The following DPP10 variants were observed in gnomAD, a reference collection of about 807,000 sequenced individuals.
DPP10 encodes the protein dipeptidyl peptidase like 10.
In DPP10, 33 loss-of-function variants were observed where a neutral mutation model predicts 120.9. The ratio of observed to expected loss-of-function variants is 0.27; its 90% CI spans 0.21 to 0.37. The LOEUF (loss-of-function observed/expected upper bound fraction) is 0.37. Among genes scored for constraint, DPP10 ranks in the 10% least tolerant of loss-of-function variants. The probability of loss-of-function intolerance (pLI) is 1.00; values close to 1 mark genes in which losing one functional copy is unlikely to be tolerated. For synonymous variants in DPP10, 337 were observed against 326.1 expected (o/e 1.03, Z -0.36); for missense variants, 816 against 942.8 (o/e 0.87, Z 1.76).
chr2:114,447,394 G>T (rs1195307230), intron 1 of DPP10, among the ~76,000 whole-genome samples: 2 of 151,720 alleles, frequency 1.3e-5, no homozygotes, highest in Non-Finnish European at 2.9e-5. Flanking sequence ...ATTCTTAAAG[G>T]GTATTTCATA....
At chr2:114,816,873 T>C (rs899653641) in intron 1 of DPP10, among the ~76,000 whole-genome samples, 1 of 152,156 alleles carries the variant, frequency 6.6e-6, no homozygotes, top group Non-Finnish European at 1.5e-5. Context: ...CTATGAGCCT[T>C]CCATATAATC....
intron 1 of DPP10, among the ~76,000 whole-genome samples, chr2:115,164,572 A>G (rs1247331206): frequency 1.3e-5 from 2 of 152,338 alleles, no homozygotes; most frequent in Admixed American, 1.3e-4. Context: ...AAGCTATTGC[A>G]TGTTTCCAAG....
chr2:114,852,023 T>C (rs1405633987), intron 1 of DPP10, among the ~76,000 whole-genome samples: 2 of 152,054 alleles, frequency 1.3e-5, no homozygotes, highest in African/African-American at 2.4e-5. Flanking sequence ...CCATGGTGTA[T>C]AGAGGGATTC....
intron 1 of DPP10, among the ~76,000 whole-genome samples, chr2:114,749,231 G>A (rs565228901): frequency 5.5e-4 from 82 of 149,858 alleles, no homozygotes; most frequent in African/African-American, 1.7e-3. Context: ...CATGTCCTTC[G>A]CCCACTTTTT....
intron 1 of DPP10, among the ~76,000 whole-genome samples, chr2:114,811,739 G>A (rs75267715): frequency 0.021 from 3,172 of 151,870 alleles, 130 homozygotes; most frequent in African/African-American, 0.073. Flanking sequence ...TCACCTTCAC[G>A]TTCTCTCTGC....
chr2:115,319,001 G>A (rs186873453), intron 2 of DPP10, among the ~76,000 whole-genome samples: 1 of 152,236 alleles, frequency 6.6e-6, no homozygotes, highest in East Asian at 1.9e-4. Context: ...ATCATAGGTG[G>A]AAAGCTTTCA....
At chr2:115,811,726 G>T (rs916332264) in intron 19 of DPP10, among the ~76,000 whole-genome samples, 10 of 152,152 alleles carry the variant, frequency 6.6e-5, no homozygotes, top group Non-Finnish European at 1.2e-4. Context: ...CACTCCAAGG[G>T]TCTGTTGATT....
At chr2:114,882,550 A>G (rs1691732266) in intron 1 of DPP10, among the ~76,000 whole-genome samples, 1 of 152,062 alleles carries the variant, frequency 6.6e-6, no homozygotes, top group Non-Finnish European at 1.5e-5. Context: ...TGAGGGCTAA[A>G]TGACTAAATA....
intron 3 of DPP10, among the ~76,000 whole-genome samples, chr2:115,446,814 C>A (rs1337011280): frequency 6.6e-6 from 1 of 152,152 alleles, no homozygotes; most frequent in Non-Finnish European, 1.5e-5. Flanking sequence ...AACACACCTT[C>A]CCCCTTCCTT....
chr2:115,007,718 C>T (rs544694686), intron 1 of DPP10, among the ~76,000 whole-genome samples: 13 of 151,622 alleles, frequency 8.6e-5, no homozygotes, highest in Admixed American at 4.0e-4. Context: ...TGATAAGCAA[C>T]TTCAGCAAAG....
At chr2:115,182,540 C>T (rs192856391) in intron 1 of DPP10, among the ~76,000 whole-genome samples, 1 of 152,294 alleles carries the variant, frequency 6.6e-6, no homozygotes, top group African/African-American at 2.4e-5. Context: ...ATTATTCCAG[C>T]CCCTCTTTGG....
At chr2:115,616,077 G>A (rs981980939) in intron 5 of DPP10, among the ~76,000 whole-genome samples, 2 of 151,972 alleles carry the variant, frequency 1.3e-5, no homozygotes, top group African/African-American at 4.8e-5. Flanking sequence ...TTTAAACTGT[G>A]GAAGTTAACT....
intron 1 of DPP10, among the ~76,000 whole-genome samples, chr2:115,195,611 T>G (rs2055201533): frequency 6.6e-6 from 1 of 152,232 alleles, no homozygotes; most frequent in South Asian, 2.1e-4. Context: ...CATTTTTTTG[T>G]AATTTACAGA....
chr2:115,081,668 G>A (rs1385807646), intron 1 of DPP10, among the ~76,000 whole-genome samples: 1 of 151,734 alleles, frequency 6.6e-6, no homozygotes, highest in Non-Finnish European at 1.5e-5. Flanking sequence ...GCACCTTGTT[G>A]TCATTTTTGA....
chr2:115,287,131 G>T (rs972050907), intron 1 of DPP10, among the ~76,000 whole-genome samples: 1 of 152,064 alleles, frequency 6.6e-6, no homozygotes, highest in African/African-American at 2.4e-5. Flanking sequence ...AAATGATAAA[G>T]ATAACAATGG....
At chr2:115,255,922 T>A (rs936466097) in intron 1 of DPP10, among the ~76,000 whole-genome samples, 8 of 152,200 alleles carry the variant, frequency 5.3e-5, no homozygotes, top group African/African-American at 1.9e-4. Flanking sequence ...CATTTTCCTG[T>A]CTTCTTCTGT....
chr2:115,251,586 G>A (rs2058754110), intron 1 of DPP10, among the ~76,000 whole-genome samples: 1 of 152,158 alleles, frequency 6.6e-6, no homozygotes, highest in East Asian at 1.9e-4. Context: ...ATAAAATGAG[G>A]AGAGGGGCAA....
chr2:114,559,342 G>A (rs543386975), intron 1 of DPP10, among the ~76,000 whole-genome samples: 6 of 152,106 alleles, frequency 3.9e-5, no homozygotes, highest in Non-Finnish European at 5.9e-5. Context: ...TTGCTCCCTG[G>A]AGGACACAAG....
At chr2:114,754,907 A>G (rs1679585649) in intron 1 of DPP10, among the ~76,000 whole-genome samples, 1 of 152,230 alleles carries the variant, frequency 6.6e-6, no homozygotes, top group South Asian at 2.1e-4. Flanking sequence ...TACATGCTAA[A>G]TAAATGGCCT....
Sources: allele counts gnomAD v4.1 joint callset (sites outside exome capture counted in the v4.1 genomes callset), GRCh38; gene constraint gnomAD v4.1.1; transcripts MANE v1.5; gene names NCBI Gene and HGNC (gene_info 2026-07-23, HGNC 2026-07-21).